Variants in SWAP70 observed in about 807,000 individuals in gnomAD.
SWAP70 encodes switching B cell complex subunit SWAP70.
Under a neutral mutation model 80.2 loss-of-function variants are expected in SWAP70, and 34 were observed. That is an observed-to-expected ratio of 0.42 (90% CI 0.32 to 0.56). SWAP70 has a LOEUF of 0.56. Ranked by LOEUF, SWAP70 falls within the 20% of genes least tolerant of loss-of-function variation. The pLI is 0.09. For synonymous variants in SWAP70, 239 were observed against 238.5 expected (o/e 1.00, Z -0.02); for missense variants, 578 against 690.7 (o/e 0.84, Z 1.83).
chr11:9,691,731 A>G lies in SWAP70; in HGVS notation c.100-2415A>G, dbSNP rs1054782761. The stretch of plus-strand genomic sequence containing the variant: ...ACTTTAGTCAAGAAAAACAAATTTA[A>G]TATCTGTGAGTCTGTAGTCACCATT... On this transcript the variant is annotated intron_variant, in intron 1 of 11. Transcript: ENST00000318950. Among the ~76,000 whole-genome samples the G allele has an allele frequency of 2.6e-5, 4 of 152,214 alleles. No individual in the cohort carries two copies. In the East Asian group the frequency reaches 7.7e-4, roughly 29 times the overall value.
rs891616016 is a variant in SWAP70 at position 9,750,104 on chromosome 11, G to T, written c.*134G>T. 5.8e-6 allele frequency: 3 copies of T among 515,784 alleles called. No individual in the cohort carries two copies. The highest frequency in any genetic ancestry group is 3.9e-5 in the African/African-American group (2 of 51,698). 32.0% of individuals were successfully genotyped at this position (515,784 alleles called of 1,614,324 possible). On this transcript the variant is annotated 3_prime_UTR_variant, in exon 12 of 12. Transcript: ENST00000318950. ...TGTAATCCCAGCACTTTGGGAGGCC[G>T]AGGCGGGTGGATCACCTGAGGTCAG...
At chr11:9,740,083 C>A in intron 8 of SWAP70, 98 bp from the exon 9 acceptor site, 2 of 1,102,432 alleles carry the variant, frequency 1.8e-6, no homozygotes, top group Non-Finnish European at 2.6e-6. Flanking sequence ...CCCTGATGGG[C>A]TGAGGCTGCA....
At chr11:9,734,409 A>G (rs1851338202) in intron 7 of SWAP70, among the ~76,000 whole-genome samples, 1 of 152,194 alleles carries the variant, frequency 6.6e-6, no homozygotes, top group South Asian at 2.1e-4. Context: ...TCTGCTCTGT[A>G]TAATGTGAAG....
rs1428898526 is a variant in SWAP70, at chr11:9,732,577, A to T, written c.947A>T (p.His316Leu). The T allele has an allele frequency of 1.2e-6, 2 of 1,605,612 alleles. No individual in the cohort carries two copies. Among genetic ancestry groups the T allele is most frequent in the Non-Finnish European group, 8.5e-7 (1 of 1,175,348 alleles). Residue 316 changes from histidine (H) to leucine (L), a missense_variant, in exon 7 of 12, where the codon CAC becomes CTC. Coordinates refer to ENST00000318950, the MANE Select transcript of SWAP70 (RefSeq NM_015055.4). ...HLLKLGSPPP[H>L]KEARQRRKEL... ...TTGAAGCTGGGCAGCCCTCCACCAC[A>T]CAAAGAAGCCCGCCAGCGTCGGAAA...
In SWAP70 at chr11:9,684,493, C is replaced by T. The variant is rs373077413; in HGVS notation, c.100-9653C>T. On this transcript the variant is annotated intron_variant, in intron 1 of 11. Coordinates refer to ENST00000318950, the MANE Select transcript of SWAP70 (RefSeq NM_015055.4). ...GAGGTGATAGTCAAGGAGCTCAGAG[C>T]CCCCTCTTCTGTTATAGAGCCTTCT... Among the ~76,000 whole-genome samples the T allele has an allele frequency of 3.3e-5, 5 of 152,244 alleles. No homozygotes were observed. In the East Asian group the frequency reaches 9.6e-4, roughly 29 times the overall value.
chr11:9,696,042 G>T (rs1177731404), intron 2 of SWAP70, among the ~76,000 whole-genome samples: 1 of 152,082 alleles, frequency 6.6e-6, no homozygotes, highest in African/African-American at 2.4e-5. Context: ...GGAAGTGGTG[G>T]AGTAATGTGT....
At chr11:9,734,316 T>G (rs1386655353) in intron 7 of SWAP70, among the ~76,000 whole-genome samples, 4 of 152,240 alleles carry the variant, frequency 2.6e-5, no homozygotes, top group Admixed American at 6.5e-5. Flanking sequence ...ACCGCATTCT[T>G]TGACTTAGCA....
intron 2 of SWAP70, among the ~76,000 whole-genome samples, chr11:9,707,210 A>G (rs1376127235): frequency 6.6e-6 from 1 of 152,214 alleles, no homozygotes; most frequent in African/African-American, 2.4e-5. Context: ...TTTTAAGGCT[A>G]TAGTACAGTA....
chr11:9,681,917 T>TGA (rs765203601), intron 1 of SWAP70, among the ~76,000 whole-genome samples: 10 of 152,108 alleles, frequency 6.6e-5, no homozygotes, highest in Non-Finnish European at 1.0e-4. Flanking sequence ...TGAAAAGTGT[T>TGA]GAGAGAGAGA....
chr11:9,720,467 C>T (rs1433762279), intron 3 of SWAP70: 3 of 985,252 alleles, frequency 3.0e-6, no homozygotes, highest in South Asian at 4.7e-5. Flanking sequence ...GTGTGAATGA[C>T]GTGGGTTCAG....
intron 3 of SWAP70, among the ~76,000 whole-genome samples, chr11:9,714,271 C>T (rs1851036761): frequency 7.4e-6 from 1 of 134,496 alleles, no homozygotes; most frequent in African/African-American, 2.7e-5. Flanking sequence ...GTAGTCCCCA[C>T]ACTTTAAAAA....
intron 6 of SWAP70, among the ~76,000 whole-genome samples, chr11:9,730,590 C>G (rs901474288): frequency 6.6e-5 from 10 of 151,964 alleles, no homozygotes; most frequent in African/African-American, 1.9e-4. Context: ...AGAATTTTCC[C>G]TTTTAAGGAC....
At chr11:9,718,282 TTTGA>T (rs1349973273) in intron 3 of SWAP70, among the ~76,000 whole-genome samples, 1 of 152,236 alleles carries the variant, frequency 6.6e-6, no homozygotes, top group African/African-American at 2.4e-5. Context: ...AGAAGTAGAA[TTTGA>T]GTTAGTTTTA....
chr11:9,728,316 T>G, intron 5 of SWAP70, 117 bp downstream of exon 5: 1 of 1,159,050 alleles, frequency 8.6e-7, no homozygotes, highest in Non-Finnish European at 1.1e-6. Context: ...CAAATTTACA[T>G]TTCCAAAATA....
At chr11:9,703,490 G>T in intron 2 of SWAP70, 1 of 456,236 alleles carries the variant, frequency 2.2e-6, no homozygotes, top group South Asian at 1.5e-5. Flanking sequence ...AATTTTTGTT[G>T]ATCCTTTAGC....
Position 9,738,352 on chromosome 11 carries a change from C to T in SWAP70, c.1188+32C>T, listed in dbSNP as rs151053838. 687 of 1,523,536 alleles carry T rather than the reference C, an allele frequency of 4.5e-4. 5 individuals carry two copies. The African/African-American group carries it at 8.5e-3, about 19-fold the overall frequency. The allele number at this position is 1,523,536 out of a possible 1,614,324, so 94.4% of individuals were successfully genotyped here. ...ATCACATGGCTGGAGAAAGCAGCTGCAGTAGCTCAGCCTGGGTCGGTGGGA... is the reference window on the plus strand; with the variant it reads ...ATCACATGGCTGGAGAAAGCAGCTGTAGTAGCTCAGCCTGGGTCGGTGGGA... On this transcript the variant is annotated intron_variant, in intron 8 of 11. Coordinates refer to ENST00000318950, the MANE Select transcript of SWAP70 (RefSeq NM_015055.4).
At chr11:9,725,569 A>ATATATT (rs1554892086) in intron 4 of SWAP70, among the ~76,000 whole-genome samples, 1 of 26,616 alleles carries the variant, frequency 3.8e-5, no homozygotes, top group African/African-American at 1.6e-4. Context: ...ATATATATAT[A>ATATATT]TTTTTTTTTT....
At chr11:9,737,565 A>C (rs868862) in intron 7 of SWAP70, among the ~76,000 whole-genome samples, 15,117 of 152,170 alleles carry the variant, frequency 0.099, 1,914 homozygotes, top group East Asian at 0.29. Context: ...TATAAGATGA[A>C]AAAACTGTAC....
intron 1 of SWAP70, among the ~76,000 whole-genome samples, chr11:9,677,788 A>G (rs1241884028): frequency 6.6e-6 from 1 of 152,208 alleles, no homozygotes; most frequent in Non-Finnish European, 1.5e-5. Flanking sequence ...AAAAGAATTT[A>G]CAACTCTGGT....
Sources: gnomAD v4.1 joint callset for allele counts (sites outside exome capture counted in the v4.1 genomes callset) on GRCh38, gnomAD v4.1.1 for gene constraint, MANE v1.5 for transcripts, NCBI Gene and HGNC (gene_info 2026-07-23, HGNC 2026-07-21) for gene names.